Variants in AGBL1 observed in about 807,000 individuals in gnomAD.
AGBL1 encodes cytosolic carboxypeptidase 4.
In AGBL1, 130 loss-of-function variants were observed where a neutral mutation model predicts 118.9. The observed-to-expected ratio is 1.09, with a 90% CI of 0.95 to 1.26. The LOEUF (loss-of-function observed/expected upper bound fraction) is 1.26, where lower values mean the gene tolerates loss of function less well. Ranked by LOEUF, AGBL1 falls within the 50% of genes most tolerant of loss-of-function variation. AGBL1 has a pLI of 0.00. For synonymous variants in AGBL1, 555 were observed against 478.9 expected (o/e 1.16, Z -2.08); for missense variants, 1,584 against 1,298.1 (o/e 1.22, Z -3.38).
chr15:86,648,970 G>A (rs2085328325), intron 21 of AGBL1, among the ~76,000 whole-genome samples: 1 of 152,104 alleles, frequency 6.6e-6, no homozygotes, highest in Non-Finnish European at 1.5e-5. Flanking sequence ...TGGAGAAATG[G>A]GGCCATTGTT....
intron 23 of AGBL1, among the ~76,000 whole-genome samples, chr15:86,952,463 CTG>C (rs1452519260): frequency 6.6e-6 from 1 of 152,088 alleles, no homozygotes; most frequent in Non-Finnish European, 1.5e-5. Flanking sequence ...ATTGATATAA[CTG>C]TAATTAAAAC....
chr15:86,266,387 G>A lies in AGBL1; in HGVS notation c.1681G>A (p.Glu561Lys), dbSNP rs1253802311. ...TTTCTTTTTCAGGATCAGGATATTT[G>A]AGGATATTCGGAGGCTCATCCAGCC... ...KCGVQRIRIFEDIRRLIQPSD... is the reference protein window; with the variant it reads ...KCGVQRIRIFKDIRRLIQPSD... The change falls in exon 12 of 23, where the codon GAG becomes AAG. Residue 561 changes from glutamate (E) to lysine (K), a missense_variant. By Grantham distance (56) the Glu-to-Lys change is moderately conservative. Coordinates refer to ENST00000614907, the MANE Select transcript of AGBL1 (RefSeq NM_001386094.1). 1 of 1,577,904 alleles carries A rather than the reference G, an allele frequency of 6.3e-7. No individual in the cohort carries two copies. Among genetic ancestry groups the A allele is most frequent in the Admixed American group, 1.8e-5 (1 of 54,588 alleles).
At chr15:86,290,776 G>T (rs62015562) in intron 16 of AGBL1, among the ~76,000 whole-genome samples, 4,037 of 151,786 alleles carry the variant, frequency 0.027, 59 homozygotes, top group Middle Eastern at 0.071. Flanking sequence ...TGCCATGCTG[G>T]TGTGCTGCAC....
intron 22 of AGBL1, among the ~76,000 whole-genome samples, chr15:86,744,937 A>T (rs1446687974): frequency 6.6e-6 from 1 of 152,156 alleles, no homozygotes; most frequent in Non-Finnish European, 1.5e-5. Flanking sequence ...CTTGGTCTTC[A>T]TCTGAAACCA....
chr15:86,121,802 C>T (rs920593796), intron 1 of AGBL1, among the ~76,000 whole-genome samples: 1 of 152,160 alleles, frequency 6.6e-6, no homozygotes, highest in East Asian at 1.9e-4. Flanking sequence ...TTTACTTAGG[C>T]TTTTCAGGTT....
chr15:86,400,098 A>G (rs2081422473), intron 18 of AGBL1, among the ~76,000 whole-genome samples: 1 of 152,084 alleles, frequency 6.6e-6, no homozygotes, highest in Non-Finnish European at 1.5e-5. Flanking sequence ...CTTAGAACAT[A>G]CGTAACACAT....
chr15:86,527,644 T>G (rs2083284618), intron 19 of AGBL1, among the ~76,000 whole-genome samples: 1 of 152,198 alleles, frequency 6.6e-6, no homozygotes, highest in South Asian at 2.1e-4. Context: ...GCCCAAATTC[T>G]GGCTCTTATG....
chr15:86,714,855 A>G (rs2086614337), intron 22 of AGBL1, among the ~76,000 whole-genome samples: 1 of 152,286 alleles, frequency 6.6e-6, no homozygotes. Flanking sequence ...CATCCCTCCT[A>G]TTTGGAGCTT....
chr15:86,568,461 C>A (rs751976766), intron 21 of AGBL1, among the ~76,000 whole-genome samples: 2 of 152,288 alleles, frequency 1.3e-5, no homozygotes, highest in East Asian at 3.9e-4. Flanking sequence ...AAGTGCTTGG[C>A]TTGACTTTGT....
chr15:86,216,273 C>T lies in AGBL1; in HGVS notation c.489-8641C>T, dbSNP rs192097864. Among the ~76,000 whole-genome samples the T allele has an allele frequency of 4.1e-3, 617 of 151,556 alleles. 7 individuals carry two copies. The highest frequency in any genetic ancestry group is 0.014 in the African/African-American group (582 of 41,154). On this transcript the variant is annotated intron_variant, in intron 5 of 22. Transcript: ENST00000614907. The stretch of plus-strand genomic sequence containing the variant: ...TTATTTATTCATTTATGCTTAAGTG[C>T]CCTGACTACAATCTCCAGTATAATG...
At chr15:86,100,161 C>A (rs1896625904) in intron 1 of AGBL1, among the ~76,000 whole-genome samples, 3 of 152,056 alleles carry the variant, frequency 2.0e-5, no homozygotes, top group Admixed American at 1.3e-4. Context: ...TATGTTGAAC[C>A]ATTCTTGTAT....
intron 21 of AGBL1, among the ~76,000 whole-genome samples, chr15:86,662,107 AAAAAT>A (rs944707537): frequency 1.4e-5 from 2 of 140,906 alleles, no homozygotes; most frequent in Non-Finnish European, 3.2e-5. Context: ...AAAATTGGAG[AAAAAT>A]AAAGATTTCA....
chr15:86,941,555 T>G (rs577077209), intron 23 of AGBL1, among the ~76,000 whole-genome samples: 1 of 152,296 alleles, frequency 6.6e-6, no homozygotes, highest in Non-Finnish European at 1.5e-5. Flanking sequence ...AGAGGCCATT[T>G]TGTGGCTCAT....
intron 22 of AGBL1, among the ~76,000 whole-genome samples, chr15:86,902,066 C>A (rs1438623799): frequency 6.6e-6 from 1 of 152,100 alleles, no homozygotes; most frequent in Non-Finnish European, 1.5e-5. Context: ...AATCAAGCTG[C>A]TGTGAACTAT....
At chr15:86,574,703 G>T (rs2084059368) in intron 21 of AGBL1, among the ~76,000 whole-genome samples, 2 of 146,892 alleles carry the variant, frequency 1.4e-5, no homozygotes, top group Non-Finnish European at 3.0e-5. Context: ...TCAGTCTCCT[G>T]AGTACCTGGG....
chr15:86,156,200 C>T (rs1458104481), intron 4 of AGBL1, among the ~76,000 whole-genome samples: 8 of 152,284 alleles, frequency 5.3e-5, no homozygotes, highest in Admixed American at 3.3e-4. Context: ...GAATTACAGG[C>T]GTGAGCCACC....
intron 22 of AGBL1, among the ~76,000 whole-genome samples, chr15:86,830,628 A>C (rs1421625967): frequency 6.6e-6 from 1 of 152,188 alleles, no homozygotes; most frequent in Non-Finnish European, 1.5e-5. Flanking sequence ...CCTAGTGTCT[A>C]TCCTGTCAGC....
chr15:86,757,334 G>T (rs930526513), intron 22 of AGBL1, among the ~76,000 whole-genome samples: 1 of 152,060 alleles, frequency 6.6e-6, no homozygotes, highest in Non-Finnish European at 1.5e-5. Flanking sequence ...TAGGATGAGT[G>T]GGTAGCACTG....
rs1218281711 is a variant in AGBL1 at position 86,269,916 on chromosome 15, C to T, written c.1839-3C>T. Reference sequence around the variant, plus strand: ...ACCCTCCAGTCTTGCTTCTGATCTGCAGGTTCGAGTATGACTTGCTGGTCA... The same window carrying T: ...ACCCTCCAGTCTTGCTTCTGATCTGTAGGTTCGAGTATGACTTGCTGGTCA... On this transcript the variant is annotated splice_region_variant and splice_polypyrimidine_tract_variant and intron_variant, in intron 13 of 22. Transcript: ENST00000614907. 6 of 1,613,098 alleles carry T rather than the reference C, an allele frequency of 3.7e-6. No individual in the cohort carries two copies. Among genetic ancestry groups the T allele is most frequent in the African/African-American group, 1.3e-5 (1 of 74,884 alleles).
Sources: gnomAD v4.1 joint callset for allele counts (sites outside exome capture counted in the v4.1 genomes callset) on GRCh38, gnomAD v4.1.1 for gene constraint, MANE v1.5 for transcripts, NCBI Gene and HGNC (gene_info 2026-07-23, HGNC 2026-07-21) for gene names.